Variants in UNC5C observed in about 807,000 individuals in gnomAD.
UNC5C encodes netrin receptor UNC5C.
A neutral mutation model predicts 99.8 loss-of-function variants in UNC5C; 47 were observed. The ratio of observed to expected loss-of-function variants is 0.47; its 90% CI spans 0.37 to 0.60. The LOEUF is 0.60. Ranked by LOEUF, UNC5C falls within the 20% of genes least tolerant of loss-of-function variation. The probability of loss-of-function intolerance (pLI) is 0.00; values close to 1 mark genes in which losing one functional copy is unlikely to be tolerated. For synonymous variants in UNC5C, 487 were observed against 452.2 expected (o/e 1.08, Z -0.98); for missense variants, 1,062 against 1,165.9 (o/e 0.91, Z 1.30).
rs570045465 is a variant in UNC5C, at chr4:95,179,734, A to G, written c.2451+3163T>C. On this transcript the variant is annotated intron_variant, in intron 14 of 15. Coordinates refer to ENST00000453304, the MANE Select transcript of UNC5C (RefSeq NM_003728.4). Reference sequence around the variant, plus strand: ...TGCACTCCAGCCTGGGCCACAGAGCAAGACTCCTTCTCAAAAAAAAAAAAA... The same window carrying G: ...TGCACTCCAGCCTGGGCCACAGAGCGAGACTCCTTCTCAAAAAAAAAAAAA... Among the ~76,000 whole-genome samples the G allele has an allele frequency of 1.6e-4, 23 of 142,950 alleles. No homozygotes were observed. In the South Asian group the frequency reaches 5.1e-3, roughly 32 times the overall value. 93.8% of individuals were successfully genotyped at this position (142,950 alleles called of 152,430 possible). A position where few individuals can be genotyped will look rare whatever the true frequency, so the allele number is the denominator to read the frequency against.
intron 10 of UNC5C, among the ~76,000 whole-genome samples, chr4:95,210,896 A>G (rs909665357): frequency 3.9e-5 from 6 of 152,238 alleles, no homozygotes; most frequent in African/African-American, 1.4e-4. Context: ...TTTGCTGCTC[A>G]TGGTACACCT....
chr4:95,275,446 C>T (rs1365881735), intron 4 of UNC5C, among the ~76,000 whole-genome samples: 5 of 152,152 alleles, frequency 3.3e-5, no homozygotes, highest in Non-Finnish European at 7.3e-5. Context: ...TGCAAAGACA[C>T]TATTATTATC....
intron 1 of UNC5C, among the ~76,000 whole-genome samples, chr4:95,523,645 G>A (rs1283936563): frequency 6.6e-6 from 1 of 152,084 alleles, no homozygotes. Context: ...AAAGTGACTA[G>A]GATGTTGCTA....
chr4:95,203,002 C>A, intron 11 of UNC5C, 38 bp from the exon 12 acceptor site: 1 of 1,604,730 alleles, frequency 6.2e-7, no homozygotes, highest in South Asian at 1.1e-5. Context: ...CTAAGTCACC[C>A]AGGACGCATG....
Position 95,255,273 on chromosome 4 carries a change from C to G in UNC5C, c.595-4606G>C, listed in dbSNP as rs986858194. Among the ~76,000 whole-genome samples the G allele has an allele frequency of 4.6e-5, 7 of 152,160 alleles. 1 individual carries two copies. Among genetic ancestry groups the G allele is most frequent in the African/African-American group, 1.7e-4 (7 of 41,426 alleles). On this transcript the variant is annotated intron_variant, in intron 4 of 15. Coordinates refer to ENST00000453304, the MANE Select transcript of UNC5C (RefSeq NM_003728.4). ...GGGATTACAGGTGTGAGCCACCATG[C>G]CCGGCACCCCGCTCTGTGTTCTTGA... is the stretch of plus-strand genomic sequence containing the variant.
chr4:95,508,701 G>T (rs1397100291), intron 1 of UNC5C, among the ~76,000 whole-genome samples: 1 of 151,844 alleles, frequency 6.6e-6, no homozygotes, highest in Non-Finnish European at 1.5e-5. Context: ...TCAGCATTTG[G>T]TATTGGTCAA....
chr4:95,442,369 A>ATTT lies in UNC5C; in HGVS notation c.124+106362_124+106364dup, dbSNP rs5860407. ...AGGCATGTGCAACCATGCCCAGCTA[A>ATTT]TTTTTTTTTTTTTTTTTTTGTAGAG... On this transcript the variant is annotated intron_variant, in intron 1 of 15. Coordinates refer to ENST00000453304, the MANE Select transcript of UNC5C (RefSeq NM_003728.4). 1.9e-3 allele frequency among the ~76,000 whole-genome samples: 236 copies of ATTT among 126,328 alleles called. 3 individuals carry two copies. The highest frequency in any genetic ancestry group is 6.9e-3 in the African/African-American group (227 of 32,688). 82.9% of individuals were successfully genotyped at this position (126,328 alleles called of 152,430 possible).
intron 3 of UNC5C, among the ~76,000 whole-genome samples, chr4:95,287,088 A>C (rs1270604286): frequency 6.6e-6 from 1 of 152,190 alleles, no homozygotes; most frequent in Non-Finnish European, 1.5e-5. Context: ...GAAAATCCCC[A>C]GAGCCTTTTG....
intron 7 of UNC5C, 143 bp from the exon 8 acceptor site, chr4:95,220,319 C>T (rs1738425576): frequency 1.2e-6 from 1 of 855,392 alleles, no homozygotes; most frequent in African/African-American, 1.7e-5. Flanking sequence ...TATAAAATGG[C>T]TGTGGCCTTT....
intron 3 of UNC5C, among the ~76,000 whole-genome samples, chr4:95,301,027 T>C (rs1741847488): frequency 6.6e-6 from 1 of 152,132 alleles, no homozygotes; most frequent in Admixed American, 6.6e-5. Flanking sequence ...TATTAGGCAT[T>C]GCATGCCTAT....
chr4:95,294,114 T>C (rs1741586642), intron 3 of UNC5C, among the ~76,000 whole-genome samples: 1 of 152,262 alleles, frequency 6.6e-6, no homozygotes, highest in Admixed American at 6.5e-5. Flanking sequence ...AATGATAGTT[T>C]AGACATACTG....
At chr4:95,277,740 T>C (rs1156664217) in intron 4 of UNC5C, among the ~76,000 whole-genome samples, 1 of 152,212 alleles carries the variant, frequency 6.6e-6, no homozygotes, top group East Asian at 1.9e-4. Flanking sequence ...GGAAAGTTTA[T>C]AGGATGAAAC....
At chr4:95,530,809 TGC>T (rs1466009662) in intron 1 of UNC5C, among the ~76,000 whole-genome samples, 3 of 152,188 alleles carry the variant, frequency 2.0e-5, no homozygotes, top group African/African-American at 7.2e-5. Context: ...TGAAAACTGC[TGC>T]TGAAAGGTGC....
chr4:95,246,830 T>G (rs931790783), intron 5 of UNC5C, among the ~76,000 whole-genome samples: 1 of 152,058 alleles, frequency 6.6e-6, no homozygotes, highest in Admixed American at 6.6e-5. Context: ...GAGGCCAAGA[T>G]GGGCAGATTG....
At position 95,168,236 on chromosome 4, in the gene UNC5C, C is replaced by A; in HGVS notation, c.*998G>T. 1 of 152,278 alleles carries A rather than the reference C, an allele frequency of 6.6e-6. No homozygotes were observed. The highest frequency in any genetic ancestry group is 2.1e-4 in the South Asian group (1 of 4,822). The allele number at this position is 152,278 out of a possible 1,614,324, so 9.4% of individuals were successfully genotyped here. A position where few individuals can be genotyped will look rare whatever the true frequency, so the allele number is the denominator to read the frequency against. On this transcript the variant is annotated 3_prime_UTR_variant, in exon 16 of 16. Coordinates refer to ENST00000453304, the MANE Select transcript of UNC5C (RefSeq NM_003728.4). ...AAAGCCATTCAGCATTTATCAATCA[C>A]CTTTCTGGGGTGGAATAAGGGAAAG...
intron 7 of UNC5C, among the ~76,000 whole-genome samples, chr4:95,233,575 T>C (rs954199258): frequency 6.6e-6 from 1 of 152,168 alleles, no homozygotes; most frequent in Non-Finnish European, 1.5e-5. Flanking sequence ...AAGTAAGCAG[T>C]GATTAAACTA....
chr4:95,239,027 T>C (rs1329738474), intron 7 of UNC5C, among the ~76,000 whole-genome samples: 1 of 152,226 alleles, frequency 6.6e-6, no homozygotes, highest in African/African-American at 2.4e-5. Context: ...TATGAGTTCA[T>C]GTTAGTAGAC....
intron 13 of UNC5C, 94 bp from the exon 14 acceptor site, chr4:95,183,155 T>TTTA: frequency 7.9e-7 from 1 of 1,269,624 alleles, no homozygotes; most frequent in East Asian, 2.4e-5. Flanking sequence ...GTATCACACC[T>TTTA]GTGGCCTCAT....
rs75109036 is a variant in UNC5C at position 95,524,509 on chromosome 4, A to G, written c.124+24225T>C. On this transcript the variant is annotated intron_variant, in intron 1 of 15. Transcript: ENST00000453304. ...GGCCTGTCCTGCATAAGACATTTAA[A>G]ATAAAAATTGAGATCTGGGTTTTCT... 1.9e-3 allele frequency among the ~76,000 whole-genome samples: 296 copies of G among 152,288 alleles called. 5 individuals carry two copies. The East Asian group carries it at 0.049, about 25-fold the overall frequency.
Sources: allele counts gnomAD v4.1 joint callset (sites outside exome capture counted in the v4.1 genomes callset), GRCh38; gene constraint gnomAD v4.1.1; transcripts MANE v1.5; gene names NCBI Gene and HGNC (gene_info 2026-07-23, HGNC 2026-07-21).